ATXN7L2: variants seen among roughly 807,000 people sequenced by gnomAD.
ATXN7L2 encodes ataxin-7-like protein 2.
A neutral mutation model predicts 59.6 loss-of-function variants in ATXN7L2; 17 were observed. That is an observed-to-expected ratio of 0.29 (90% CI 0.20 to 0.43). The LOEUF (loss-of-function observed/expected upper bound fraction) is 0.43. Ranked by LOEUF, ATXN7L2 falls within the 20% of genes least tolerant of loss-of-function variation. The pLI is 1.00. For missense variants in ATXN7L2, 858 were observed against 1,008.9 expected (o/e 0.85, Z 2.03); for synonymous variants, 378 against 392.5 (o/e 0.96, Z 0.44).
chr1:109,484,171 G>A, intron 1 of ATXN7L2, 91 bp downstream of exon 1: 1 of 1,209,386 alleles, frequency 8.3e-7, no homozygotes, highest in Non-Finnish European at 1.0e-6. Flanking sequence ...GCCGCCGACT[G>A]GAGCCGCCGT....
chr1:109,487,911 T>A, intron 5 of ATXN7L2, 107 bp downstream of exon 5: 1 of 1,339,544 alleles, frequency 7.5e-7, no homozygotes, highest in Non-Finnish European at 1.0e-6. Flanking sequence ...GGCCTGGCCA[T>A]CACAGGTTGT....
chr1:109,492,324 C>T (rs753692060), intron 10 of ATXN7L2, among the ~76,000 whole-genome samples: 23 of 152,192 alleles, frequency 1.5e-4, no homozygotes, highest in South Asian at 2.1e-4. Context: ...TGATCTCTGC[C>T]AGGAGGGACT....
rs953140524 is a variant in ATXN7L2, at chr1:109,492,695, TA to T, written c.*96del. The T allele has an allele frequency of 7.5e-5, 107 of 1,422,922 alleles. 1 individual carries two copies. Among genetic ancestry groups the T allele is most frequent in the South Asian group, 3.9e-4 (31 of 78,876 alleles). The allele number at this position is 1,422,922 out of a possible 1,614,324, so 88.1% of individuals were successfully genotyped here. On this transcript the variant is annotated 3_prime_UTR_variant, in exon 11 of 11. Transcript: ENST00000683729. ...GCTGCCGCTTTTTATAACTTTATAT[TA>T]TTTTTTTTTAAGAAAAAAAGCTCTT...
chr1:109,488,753 G>A lies in ATXN7L2; in HGVS notation c.880-94G>A. 1 of 1,439,830 alleles carries A rather than the reference G, an allele frequency of 6.9e-7. No homozygotes were observed. 89.2% of individuals were successfully genotyped at this position (1,439,830 alleles called of 1,614,324 possible). ...TGCAAATATGCCCACCTCTCTCCCT[G>A]CCCCCCAACTTGCCCGGGCCAAAGC... On this transcript the variant is annotated intron_variant, in intron 6 of 10. Coordinates refer to ENST00000683729, the MANE Select transcript of ATXN7L2 (RefSeq NM_001350175.2). This position sits in a 1 kb window ranked among gnomAD's most constrained non-coding sequence, Gnocchi z 5.0.
chr1:109,485,595 A>T (rs1213469455), intron 1 of ATXN7L2: 8 of 985,574 alleles, frequency 8.1e-6, no homozygotes, highest in Admixed American at 1.2e-4. Flanking sequence ...AGCAGAAAGG[A>T]CCCATCGAGA....
At position 109,488,734 on chromosome 1, in the gene ATXN7L2, T is replaced by TA. The variant is rs1656777444; in HGVS notation, c.880-112dup. The TA allele has an allele frequency of 7.5e-7, 1 of 1,336,892 alleles. No homozygotes were observed. Among genetic ancestry groups the TA allele is most frequent in the Non-Finnish European group, 1.0e-6 (1 of 967,684 alleles). 82.8% of individuals were successfully genotyped at this position (1,336,892 alleles called of 1,614,324 possible). ...AAAGACACATGAACACAGCTGCAAA[T>TA]ATGCCCACCTCTCTCCCTGCCCCCC... On this transcript the variant is annotated intron_variant, in intron 6 of 10. Transcript: ENST00000683729. This position sits in a 1 kb window ranked among gnomAD's most constrained non-coding sequence, Gnocchi z 5.0.
rs1364107107 is a variant in ATXN7L2, at chr1:109,487,714, G to A, written c.706G>A (p.Glu236Lys). The change falls in exon 5 of 11, where the codon GAG becomes AAG. Residue 236 changes from glutamate to lysine, a missense_variant. Physicochemically the swap from Glu to Lys is moderately conservative, Grantham distance 56. This residue lies in a region of ATXN7L2 where 734 missense variants were observed against 862.3 expected (regional missense o/e 0.85). Coordinates refer to ENST00000683729, the MANE Select transcript of ATXN7L2 (RefSeq NM_001350175.2). ...GRENIEIIPS[E>K]GSSHWAEGSP... ...AGAGAACATCGAGATCATCCCCAGT[G>A]AGGGGTCCAGTCACTGGGCTGAAGG... 19 of 1,613,656 alleles carry A rather than the reference G, an allele frequency of 1.2e-5. No individual in the cohort carries two copies. Among genetic ancestry groups the A allele is most frequent in the Non-Finnish European group, 1.6e-5 (19 of 1,179,828 alleles).
At chr1:109,487,940 C>A in intron 5 of ATXN7L2, 136 bp downstream of exon 5, 1 of 1,050,062 alleles carries the variant, frequency 9.5e-7, no homozygotes, top group Non-Finnish European at 1.3e-6. Context: ...GGAGCCCCGT[C>A]ACCTCTTGAC....
chr1:109,491,458 C>G lies in ATXN7L2; in HGVS notation c.1991C>G (p.Ser664Cys). The stretch of plus-strand genomic sequence containing the variant: ...GCAGGGCCCCTGGACTGTCGTGGCT[C>G]CCCTCATCAGCTCCCCACACCAGTC... ...KRAGPLDCRG[S>C]PHQLPTPVKA... Residue 664 changes from serine (S) to cysteine (C), a missense_variant, in exon 10 of 11, where the codon TCC (serine) becomes TGC (cysteine). Coordinates refer to ENST00000683729, the MANE Select transcript of ATXN7L2 (RefSeq NM_001350175.2). The surrounding 1 kb of genome is among the most constrained non-coding windows in gnomAD (Gnocchi z 4.1). 2 of 1,614,038 alleles carry G rather than the reference C, an allele frequency of 1.2e-6. No individual in the cohort carries two copies. The highest frequency in any genetic ancestry group is 1.7e-6 in the Non-Finnish European group (2 of 1,180,048).
chr1:109,491,106 A>G lies in ATXN7L2; in HGVS notation c.1639A>G (p.Ser547Gly). ...LVPSYPAGSP[S>G]VAAACSQAEC... is the part of the protein sequence containing the mutation. ...CCCCAGCTACCCTGCAGGCTCCCCC[A>G]GCGTGGCGGCTGCCTGTAGCCAGGC... The change falls in exon 10 of 11, where the codon AGC (serine) becomes GGC (glycine). Residue 547 changes from serine (S) to glycine (G), a missense_variant. Transcript: ENST00000683729. The surrounding 1 kb of genome is among the most constrained non-coding windows in gnomAD (Gnocchi z 4.1). 6.2e-7 allele frequency: 1 copy of G among 1,613,362 alleles called. No homozygotes were observed. The highest frequency in any genetic ancestry group is 8.5e-7 in the Non-Finnish European group (1 of 1,179,852).
Position 109,490,411 on chromosome 1 carries a change from G to T in ATXN7L2, c.1454+19G>T, listed in dbSNP as rs1352082389. ...TGTGGAAGTAAGTCTCTCGGACCCA[G>T]AATGGAAGTTCTAGAATGGAAATTC... is the stretch of plus-strand genomic sequence containing the variant. On this transcript the variant is annotated intron_variant, in intron 9 of 10. Coordinates refer to ENST00000683729, the MANE Select transcript of ATXN7L2 (RefSeq NM_001350175.2). 6.2e-7 allele frequency: 1 copy of T among 1,609,232 alleles called. No homozygotes were observed. The highest frequency in any genetic ancestry group is 2.2e-5 in the East Asian group (1 of 44,856).
In ATXN7L2 at chr1:109,484,003, G is replaced by T. The variant is rs1469267799; in HGVS notation, c.50G>T (p.Arg17Leu). Residue 17 changes from arginine to leucine, a missense_variant, in exon 1 of 11, where the codon CGG becomes CTG. Physicochemically the swap from Arg to Leu is moderately radical, Grantham distance 102. Coordinates refer to ENST00000683729, the MANE Select transcript of ATXN7L2 (RefSeq NM_001350175.2). ...AAAAMAALER[R>L]VPSLDDFAGQ... ...GCAGCAATGGCCGCTCTGGAGCGGC[G>T]GGTGCCGAGTCTCGATGACTTCGCG... The T allele has an allele frequency of 1.0e-5, 14 of 1,381,346 alleles. No homozygotes were observed. Among genetic ancestry groups the T allele is most frequent in the African/African-American group, 3.0e-5 (2 of 67,658 alleles). 85.6% of individuals were successfully genotyped at this position (1,381,346 alleles called of 1,614,324 possible). A position where few individuals can be genotyped will look rare whatever the true frequency, so the allele number is the denominator to read the frequency against.
In ATXN7L2 at chr1:109,486,374, C is replaced by A; in HGVS notation, c.194-132C>A. ...TAGATCGAACTCTGGAAGCTGGAAG[C>A]ATTCAGCATGGAGCTTGTTATATCA... On this transcript the variant is annotated intron_variant, in intron 2 of 10. Coordinates refer to ENST00000683729, the MANE Select transcript of ATXN7L2 (RefSeq NM_001350175.2). This position sits in a 1 kb window ranked among gnomAD's most constrained non-coding sequence, Gnocchi z 4.3. 1.1e-6 allele frequency: 1 copy of A among 947,790 alleles called. No homozygotes were observed. Among genetic ancestry groups the A allele is most frequent in the Non-Finnish European group, 1.6e-6 (1 of 640,508 alleles). The allele number at this position is 947,790 out of a possible 1,614,324, so 58.7% of individuals were successfully genotyped here.
intron 7 of ATXN7L2, chr1:109,489,445 T>A: frequency 2.8e-6 from 1 of 361,480 alleles, no homozygotes; most frequent in Non-Finnish European, 5.1e-6. Flanking sequence ...CACTGGCCCC[T>A]TCGCGTGCAG....
intron 1 of ATXN7L2, among the ~76,000 whole-genome samples, chr1:109,484,529 C>A (rs1248727479): frequency 6.6e-6 from 1 of 150,568 alleles, no homozygotes; most frequent in African/African-American, 2.4e-5. Flanking sequence ...CATTTGCCTG[C>A]AGCTGCAGTG....
chr1:109,489,725 G>T, intron 7 of ATXN7L2: 1 of 606,216 alleles, frequency 1.6e-6, no homozygotes, highest in South Asian at 2.0e-5. Context: ...GCTGGGGAGA[G>T]AATCCCTTGG....
chr1:109,489,381 T>G, intron 7 of ATXN7L2: 1 of 479,376 alleles, frequency 2.1e-6, no homozygotes, highest in Non-Finnish European at 3.7e-6. Context: ...AACTTGTCAC[T>G]GGGGAGCTGA....
rs373941223 is a variant in ATXN7L2 at position 109,488,350 on chromosome 1, T to C, written c.797-33T>C. 1.9e-6 allele frequency: 3 copies of C among 1,562,494 alleles called. No homozygotes were observed. The highest frequency in any genetic ancestry group is 2.6e-6 in the Non-Finnish European group (3 of 1,146,086). On this transcript the variant is annotated intron_variant, in intron 5 of 10. Transcript: ENST00000683729. The surrounding 1 kb of genome is among the most constrained non-coding windows in gnomAD (Gnocchi z 5.0). ...TCCTCCTGTAAACTCCTGGAAATGG[T>C]CTTGAGGTTCATTGGAAGTGCTTTC... is the stretch of plus-strand genomic sequence containing the variant.
intron 10 of ATXN7L2, among the ~76,000 whole-genome samples, chr1:109,492,276 G>T (rs973679390): frequency 2.0e-5 from 3 of 152,198 alleles, no homozygotes; most frequent in East Asian, 1.9e-4. Flanking sequence ...GCCTCTTCTG[G>T]TGGGAGCCCT....
Sources: gnomAD v4.1 joint callset for allele counts (sites outside exome capture counted in the v4.1 genomes callset) on GRCh38, gnomAD v4.1.1 for gene constraint, gnomAD v4.1.1 regional missense constraint, Gnocchi (gnomAD v3.1) non-coding constraint, MANE v1.5 for transcripts, NCBI Gene and HGNC (gene_info 2026-07-23, HGNC 2026-07-21) for gene names.